Variants in LRCH1 observed in about 807,000 individuals in gnomAD.
LRCH1 encodes the protein leucine rich repeats and calponin homology domain containing 1, also known as leucine-rich repeat and calponin homology domain-containing protein 1.
In LRCH1, 23 loss-of-function variants were observed where a neutral mutation model predicts 94.9. The ratio of observed to expected loss-of-function variants is 0.24; its 90% CI spans 0.17 to 0.34. The LOEUF (loss-of-function observed/expected upper bound fraction) is 0.34, where lower values mean the gene tolerates loss of function less well. Among genes scored for constraint, LRCH1 ranks in the 10% least tolerant of loss-of-function variants. The pLI, the probability that LRCH1 is intolerant of heterozygous loss-of-function variation, is 1.00. For missense variants in LRCH1, 790 were observed against 945.9 expected (o/e 0.84, Z 2.16); for synonymous variants, 364 against 354.9 (o/e 1.03, Z -0.29).
intron 1 of LRCH1, among the ~76,000 whole-genome samples, chr13:46,594,631 T>G (rs1016715869): frequency 1.3e-5 from 2 of 152,142 alleles, no homozygotes; most frequent in Non-Finnish European, 2.9e-5. Flanking sequence ...CAGCTGAGAT[T>G]GTACAGTAGA....
At chr13:46,650,901 A>G (rs1171254319) in intron 2 of LRCH1, among the ~76,000 whole-genome samples, 1 of 152,186 alleles carries the variant, frequency 6.6e-6, no homozygotes, top group South Asian at 2.1e-4. Context: ...ACATCCCGCT[A>G]ACTTAGGTCA....
intron 1 of LRCH1, among the ~76,000 whole-genome samples, chr13:46,569,682 C>T (rs1042967793): frequency 1.7e-4 from 26 of 152,148 alleles, no homozygotes; most frequent in African/African-American, 5.8e-4. Flanking sequence ...GGCGCCAACC[C>T]GCTTATCCTG....
chr13:46,556,631 A>T (rs2050069079), intron 1 of LRCH1, among the ~76,000 whole-genome samples: 1 of 152,142 alleles, frequency 6.6e-6, no homozygotes, highest in African/African-American at 2.4e-5. Flanking sequence ...ACCCTCATTT[A>T]TACATGGGAA....
Position 46,691,160 on chromosome 13 carries a change from TG to T in LRCH1, c.1015-1375del, listed in dbSNP as rs528643014. ...AGCCACAATCTCCTGAAATGTGTTT[TG>T]TGGAGGTTCCTGATTTTTGAGATTT... is the stretch of plus-strand genomic sequence containing the variant. On this transcript the variant is annotated intron_variant, in intron 7 of 19. Transcript: ENST00000389797. Among the ~76,000 whole-genome samples, 25 of 152,320 alleles carry T rather than the reference TG, an allele frequency of 1.6e-4. No individual in the cohort carries two copies. The South Asian group carries it at 4.1e-3, about 25-fold the overall frequency.
chr13:46,723,164 A>T, intron 16 of LRCH1, 57 bp from the exon 17 acceptor site: 1 of 892,994 alleles, frequency 1.1e-6, no homozygotes, highest in Non-Finnish European at 1.8e-6. Context: ...TTTTAATATG[A>T]ATAGCCCTAT....
intron 2 of LRCH1, among the ~76,000 whole-genome samples, chr13:46,661,368 C>T (rs945251527): frequency 6.6e-5 from 10 of 152,160 alleles, no homozygotes; most frequent in Non-Finnish European, 1.2e-4. Context: ...AAATAATCGT[C>T]TTAGTGCCAA....
At chr13:46,671,154 T>C (rs1399589948) in intron 3 of LRCH1, among the ~76,000 whole-genome samples, 1 of 152,226 alleles carries the variant, frequency 6.6e-6, no homozygotes, top group Non-Finnish European at 1.5e-5. Flanking sequence ...CACACATCAC[T>C]CTTTCGTCAT....
intron 1 of LRCH1, among the ~76,000 whole-genome samples, chr13:46,592,575 G>C (rs1333801121): frequency 6.6e-6 from 1 of 152,136 alleles, no homozygotes; most frequent in South Asian, 2.1e-4. Context: ...TAATTCCTTG[G>C]TCTCAATTTC....
chr13:46,650,128 T>C (rs774785430), intron 1 of LRCH1, 73 bp from the exon 2 acceptor site: 10 of 1,031,188 alleles, frequency 9.7e-6, no homozygotes, highest in African/African-American at 1.6e-5. Context: ...AGAAAAACAG[T>C]GTTTGTGGTT....
chr13:46,667,100 C>G (rs888152794), intron 2 of LRCH1, among the ~76,000 whole-genome samples: 1 of 152,170 alleles, frequency 6.6e-6, no homozygotes, highest in African/African-American at 2.4e-5. Context: ...TTCTGCTGGA[C>G]CCTCTTAAAG....
chr13:46,668,803 A>G (rs577827644), intron 2 of LRCH1, among the ~76,000 whole-genome samples: 8 of 149,330 alleles, frequency 5.4e-5, no homozygotes. Context: ...AGAACTGCCC[A>G]TACCCTTATT....
chr13:46,692,966 C>CTTTT (rs556715797), intron 8 of LRCH1, among the ~76,000 whole-genome samples: 7 of 128,206 alleles, frequency 5.5e-5, no homozygotes, highest in South Asian at 2.5e-4. Context: ...AGATAAAATT[C>CTTTT]TTTTTTTTTT....
intron 9 of LRCH1, 107 bp from the exon 10 acceptor site, chr13:46,699,229 T>TTTGGCTA (rs1871342800): frequency 1.2e-6 from 1 of 825,260 alleles, no homozygotes; most frequent in African/African-American, 1.7e-5. Context: ...GTTTCCAGCT[T>TTTGGCTA]TTGGCTATTG....
At chr13:46,612,339 A>G (rs2050756801) in intron 1 of LRCH1, among the ~76,000 whole-genome samples, 1 of 152,250 alleles carries the variant, frequency 6.6e-6, no homozygotes, top group South Asian at 2.1e-4. Context: ...TATTTTGTAT[A>G]CACGGTTATG....
In LRCH1 at chr13:46,553,319, C is replaced by G; in HGVS notation, c.-78C>G. 8.0e-7 allele frequency: 1 copy of G among 1,246,672 alleles called. No homozygotes were observed. The highest frequency in any genetic ancestry group is 1.1e-6 in the Non-Finnish European group (1 of 906,720). The allele number at this position is 1,246,672 out of a possible 1,614,324, so 77.2% of individuals were successfully genotyped here. ...GGAGCACTGCGGCACTCAGCCCGAG[C>G]TGCCGTTTTCCCCTCGCGGGGAACG... On this transcript the variant is annotated 5_prime_UTR_variant, in exon 1 of 20. Transcript: ENST00000389797.
intron 1 of LRCH1, among the ~76,000 whole-genome samples, chr13:46,559,587 A>G (rs1398181523): frequency 6.6e-6 from 1 of 152,212 alleles, no homozygotes; most frequent in Non-Finnish European, 1.5e-5. Context: ...CCTACATGCT[A>G]TTCTCATTGC....
At chr13:46,711,751 G>A (rs759192522) in intron 13 of LRCH1, 40 bp from the exon 14 acceptor site, 1 of 1,547,774 alleles carries the variant, frequency 6.5e-7, no homozygotes, top group Non-Finnish European at 8.9e-7. Context: ...CAGTTTCACA[G>A]TCTAATGGAA....
intron 1 of LRCH1, among the ~76,000 whole-genome samples, chr13:46,562,870 T>C (rs2050144586): frequency 6.6e-6 from 1 of 152,216 alleles, no homozygotes; most frequent in Non-Finnish European, 1.5e-5. Flanking sequence ...AGCCCTCGAA[T>C]GTGCTGTAAA....
chr13:46,733,784 AT>A, intron 18 of LRCH1, 136 bp from the exon 19 acceptor site: 1 of 543,662 alleles, frequency 1.8e-6, no homozygotes, highest in South Asian at 2.5e-5. Flanking sequence ...GTTTTCTTCT[AT>A]TTGCTTATGT....
Sources: allele counts gnomAD v4.1 joint callset (sites outside exome capture counted in the v4.1 genomes callset), GRCh38; gene constraint gnomAD v4.1.1; transcripts MANE v1.5; gene names NCBI Gene and HGNC (gene_info 2026-07-23, HGNC 2026-07-21).